TARP: variants seen among roughly 807,000 people sequenced by gnomAD.
the TARP span, among the ~76,000 whole-genome samples, chr7:38,264,028 A>G: frequency 6.6e-6 from 1 of 152,036 alleles, no homozygotes; most frequent in Non-Finnish European, 1.5e-5. Flanking sequence ...GGTAAAAAGA[A>G]TAAAGTAACT....
chr7:38,266,405 C>G, the TARP span, among the ~76,000 whole-genome samples: 2 of 151,808 alleles, frequency 1.3e-5, no homozygotes, highest in East Asian at 3.8e-4. Flanking sequence ...TTCCCAGGCT[C>G]AAGTGATCCT....
chr7:38,271,223 C>T, the TARP span, among the ~76,000 whole-genome samples: 1 of 151,150 alleles, frequency 6.6e-6, no homozygotes, highest in Non-Finnish European at 1.5e-5. Context: ...TCCTTTGCCC[C>T]CAGGAGTTGA....
At chr7:38,261,640 C>T in the TARP span, among the ~76,000 whole-genome samples, 1 of 151,160 alleles carries the variant, frequency 6.6e-6, no homozygotes, top group Non-Finnish European at 1.5e-5. Context: ...TTCGGGAGGG[C>T]GAGGGGGCAG....
chr7:38,268,631 A>G, the TARP span, among the ~76,000 whole-genome samples: 1 of 151,502 alleles, frequency 6.6e-6, no homozygotes, highest in Admixed American at 6.6e-5. Flanking sequence ...ATCAATTAAG[A>G]TAAAGGATTA....
At chr7:38,264,103 G>C in the TARP span, among the ~76,000 whole-genome samples, 3 of 151,530 alleles carry the variant, frequency 2.0e-5, no homozygotes, top group Non-Finnish European at 2.9e-5. Flanking sequence ...AAGGTTGGTT[G>C]CAAGTGTGGA....
the TARP span, among the ~76,000 whole-genome samples, chr7:38,261,870 CAA>C: frequency 7.6e-5 from 4 of 52,460 alleles, no homozygotes; most frequent in Non-Finnish European, 8.1e-5. Flanking sequence ...AGACTCTGTC[CAA>C]AAAAAAAAAA....
At chr7:38,268,747 T>A in the TARP span, among the ~76,000 whole-genome samples, 2 of 151,792 alleles carry the variant, frequency 1.3e-5, no homozygotes, top group Admixed American at 6.6e-5. Flanking sequence ...ATAAGTTCAA[T>A]TTTTGCGTGT....
chr7:38,261,551 T>C, the TARP span, among the ~76,000 whole-genome samples: 1 of 151,140 alleles, frequency 6.6e-6, no homozygotes, highest in African/African-American at 2.4e-5. Flanking sequence ...AGCAACATGG[T>C]ATCATGTTTT....
the TARP span, chr7:38,269,687 C>T: frequency 1.8e-6 from 1 of 569,746 alleles, no homozygotes; most frequent in Non-Finnish European, 3.1e-6. Flanking sequence ...AATCAAATAA[C>T]TTAAAGCTTT....
the TARP span, among the ~76,000 whole-genome samples, chr7:38,270,087 G>A: frequency 6.6e-6 from 1 of 151,886 alleles, no homozygotes; most frequent in Non-Finnish European, 1.5e-5. Flanking sequence ...GGGCAACAGG[G>A]GAAGACCCTG....
the TARP span, among the ~76,000 whole-genome samples, chr7:38,262,865 C>G: frequency 0.21 from 32,140 of 150,844 alleles, 3,634 homozygotes; most frequent in Middle Eastern, 0.28. Flanking sequence ...CGCCATGTTG[C>G]GCAGGCTGGT....
At chr7:38,272,473 A>G in the TARP span, among the ~76,000 whole-genome samples, 1 of 143,530 alleles carries the variant, frequency 7.0e-6, no homozygotes, top group African/African-American at 2.6e-5. Flanking sequence ...GTGTGAAGTG[A>G]AAAAGCCAGA....
chr7:38,271,423 T>C, the TARP span, among the ~76,000 whole-genome samples: 2 of 151,504 alleles, frequency 1.3e-5, no homozygotes, highest in African/African-American at 4.9e-5. Flanking sequence ...ACAGTCTTTG[T>C]GTAACTTCTC....
chr7:38,260,861 G>A, the TARP span, among the ~76,000 whole-genome samples: 1 of 151,766 alleles, frequency 6.6e-6, no homozygotes, highest in Non-Finnish European at 1.5e-5. Flanking sequence ...TGCCTGGTGT[G>A]GCAGCCTAAG....
the TARP span, among the ~76,000 whole-genome samples, chr7:38,269,015 A>C: frequency 6.6e-6 from 1 of 151,682 alleles, no homozygotes; most frequent in Non-Finnish European, 1.5e-5. Context: ...CATTTTATGG[A>C]TTAGAAAACT....
the TARP span, chr7:38,262,084 A>C: frequency 1.5e-5 from 18 of 1,164,368 alleles, no homozygotes; most frequent in Non-Finnish European, 2.2e-5. Context: ...GCAGCATCCA[A>C]CCTAGCAAAA....
At chr7:38,269,722 G>A in the TARP span, among the ~76,000 whole-genome samples, 1 of 151,936 alleles carries the variant, frequency 6.6e-6, no homozygotes, top group Non-Finnish European at 1.5e-5. Context: ...TCTAAAAACA[G>A]TGATGTTTCA....
At chr7:38,266,281 TC>T in the TARP span, among the ~76,000 whole-genome samples, 1 of 151,508 alleles carries the variant, frequency 6.6e-6, no homozygotes, top group African/African-American at 2.4e-5. Context: ...TTATTATTTA[TC>T]TTATTTCCCA....
At chr7:38,265,731 C>T in the TARP span, 9 of 1,335,722 alleles carry the variant, frequency 6.7e-6, no homozygotes, top group Admixed American at 1.4e-4. Flanking sequence ...GAAACACACA[C>T]ATTGCACAGT....
Sources: gnomAD v4.1 joint callset for allele counts (sites outside exome capture counted in the v4.1 genomes callset) on GRCh38, gnomAD v4.1.1 for gene constraint, MANE v1.5 for transcripts.